Variants in RAB40B observed in about 807,000 individuals in gnomAD.
RAB40B encodes the protein RAB40B, member RAS oncogene family, also known as ras-related protein Rab-40B.
A neutral mutation model predicts 24.0 loss-of-function variants in RAB40B; 21 were observed. That is an observed-to-expected ratio of 0.88 (90% confidence interval 0.62 to 1.26). The LOEUF is 1.26. RAB40B is among the 50% of genes most tolerant of loss of function. The pLI is 0.00. For missense variants in RAB40B, 348 were observed against 390.5 expected (o/e 0.89, Z 0.92); for synonymous variants, 167 against 169.8 (o/e 0.98, Z 0.13).
At chr17:82,673,218 C>T (rs921991516) in intron 1 of RAB40B, among the ~76,000 whole-genome samples, 5 of 152,036 alleles carry the variant, frequency 3.3e-5, no homozygotes, top group Non-Finnish European at 7.4e-5. Context: ...AAAAAAATTG[C>T]CTCATGTTTA....
At chr17:82,660,543 TAC>T (rs375749687) in intron 3 of RAB40B, among the ~76,000 whole-genome samples, 54 of 147,576 alleles carry the variant, frequency 3.7e-4, no homozygotes, top group African/African-American at 1.2e-3. Flanking sequence ...TGCACATACC[TAC>T]ACACACGTGT....
intron 1 of RAB40B, among the ~76,000 whole-genome samples, chr17:82,673,523 T>C (rs1212994708): frequency 6.6e-6 from 1 of 152,192 alleles, no homozygotes; most frequent in Non-Finnish European, 1.5e-5. Flanking sequence ...ATCTGAGACT[T>C]TGCACGTCTG....
intron 1 of RAB40B, among the ~76,000 whole-genome samples, chr17:82,686,136 A>C (rs1598314800): frequency 1.7e-5 from 2 of 120,318 alleles, no homozygotes; most frequent in Admixed American, 9.7e-5. Context: ...ACAAAGTCTC[A>C]CTCTGTCATC....
At chr17:82,661,090 C>T in intron 2 of RAB40B, 43 bp from the exon 3 acceptor site, 1 of 1,607,646 alleles carries the variant, frequency 6.2e-7, no homozygotes, top group Non-Finnish European at 8.5e-7. Flanking sequence ...ACCAGTGCTT[C>T]TTCCTGACAA....
rs2248358 is a variant in RAB40B, at chr17:82,675,712, C to T, written c.143-11156G>A. Among the ~76,000 whole-genome samples the T allele has an allele frequency of 0.53, 80,286 of 151,770 alleles. 21,935 individuals carry two copies. The highest frequency in any genetic ancestry group is 0.67 in the Admixed American group (10,161 of 15,242). On this transcript the variant is annotated intron_variant, in intron 1 of 5. Coordinates refer to ENST00000571995, the MANE Select transcript of RAB40B (RefSeq NM_006822.3). The surrounding 1 kb of genome is among the most constrained non-coding windows in gnomAD (Gnocchi z 4.5). Reference sequence around the variant, plus strand: ...CCCTAGCTGGAGGGGCGAGGGAGCTCTTGGATGCTTCACTCATCCCATCCA... The same window carrying T: ...CCCTAGCTGGAGGGGCGAGGGAGCTTTTGGATGCTTCACTCATCCCATCCA...
chr17:82,674,735 G>A lies in RAB40B; in HGVS notation c.143-10179C>T, dbSNP rs908200928. 6.6e-5 allele frequency among the ~76,000 whole-genome samples: 10 copies of A among 152,156 alleles called. No homozygotes were observed. The Middle Eastern group carries it at 0.017, about 259-fold the overall frequency. ...GGGGAGGGGCCTCCTTGTCACCTGCGTCACTCTGGCATCGCAGGCAACGTT... is the reference window on the plus strand; with the variant it reads ...GGGGAGGGGCCTCCTTGTCACCTGCATCACTCTGGCATCGCAGGCAACGTT... On this transcript the variant is annotated intron_variant, in intron 1 of 5. Transcript: ENST00000571995.
intron 3 of RAB40B, among the ~76,000 whole-genome samples, chr17:82,660,228 A>G (rs2046147775): frequency 6.6e-6 from 1 of 152,124 alleles, no homozygotes; most frequent in Non-Finnish European, 1.5e-5. Flanking sequence ...CACACAGTGC[A>G]CACACGCAGT....
At chr17:82,659,524 C>G (rs2046133827) in intron 4 of RAB40B, 56 bp downstream of exon 4, 23 of 1,577,280 alleles carry the variant, frequency 1.5e-5, no homozygotes, top group Non-Finnish European at 1.8e-5. Context: ...TAATTCCTGG[C>G]CTGACGTCCT....
At chr17:82,670,345 A>C (rs867302533) in intron 1 of RAB40B, among the ~76,000 whole-genome samples, 3 of 151,428 alleles carry the variant, frequency 2.0e-5, no homozygotes, top group Admixed American at 6.6e-5. Flanking sequence ...CCAGCAAGCC[A>C]AGCTAATTTG....
intron 3 of RAB40B, 104 bp downstream of exon 3, chr17:82,660,883 C>G (rs2046163325): frequency 7.1e-7 from 1 of 1,414,934 alleles, no homozygotes; most frequent in Non-Finnish European, 9.7e-7. Flanking sequence ...GTAAGCTTAA[C>G]CGCCTTGTCC....
intron 1 of RAB40B, among the ~76,000 whole-genome samples, chr17:82,665,895 A>C (rs375759024): frequency 0.025 from 3,769 of 151,374 alleles, 77 homozygotes; most frequent in Non-Finnish European, 0.033. Context: ...AACAACAAAA[A>C]AAAAAAAAAA....
At chr17:82,698,370 G>GC in intron 1 of RAB40B, 85 bp downstream of exon 1, 1 of 288,114 alleles carries the variant, frequency 3.5e-6, no homozygotes, top group Non-Finnish European at 5.5e-6. Context: ...CCCGGACCCG[G>GC]ACCCCCACCC....
intron 1 of RAB40B, among the ~76,000 whole-genome samples, chr17:82,686,258 C>T (rs1001873510): frequency 6.6e-6 from 1 of 151,946 alleles, no homozygotes; most frequent in Non-Finnish European, 1.5e-5. Flanking sequence ...ATAACAGGCA[C>T]CTGCCACCAC....
chr17:82,662,302 C>T, intron 2 of RAB40B: 1 of 985,492 alleles, frequency 1.0e-6, no homozygotes, highest in Non-Finnish European at 1.2e-6. Flanking sequence ...AGGCTTTGCA[C>T]ACAGCGGGAG....
intron 1 of RAB40B, among the ~76,000 whole-genome samples, chr17:82,668,553 C>T (rs1598301430): frequency 6.6e-6 from 1 of 152,376 alleles, no homozygotes; most frequent in Admixed American, 6.5e-5. Flanking sequence ...CCCGAGGGGG[C>T]TGAGGTGGCA....
chr17:82,671,647 A>G (rs2046338413), intron 1 of RAB40B, among the ~76,000 whole-genome samples: 1 of 62,036 alleles, frequency 1.6e-5, no homozygotes, highest in Non-Finnish European at 3.4e-5. Flanking sequence ...TAACACACAC[A>G]CTCACACCCT....
chr17:82,691,323 A>C (rs1051194040), intron 1 of RAB40B, among the ~76,000 whole-genome samples: 1 of 152,192 alleles, frequency 6.6e-6, no homozygotes, highest in Non-Finnish European at 1.5e-5. Context: ...CATGCTGGGG[A>C]AAAGGGTGGG....
At chr17:82,685,539 C>G (rs1401907743) in intron 1 of RAB40B, among the ~76,000 whole-genome samples, 6 of 152,198 alleles carry the variant, frequency 3.9e-5, no homozygotes, top group Non-Finnish European at 7.3e-5. Flanking sequence ...CCCCAGGCAC[C>G]CGGCCTGCCT....
At position 82,698,626 on chromosome 17, in the gene RAB40B, C is replaced by T. The variant is rs2046638422; in HGVS notation, c.-30G>A. ...ACGGCCCGGCGCCCCCACCCATGCC[C>T]GGCCTGCGGGGCTGAGCGCAGAGGC... On this transcript the variant is annotated 5_prime_UTR_variant, in exon 1 of 6. Transcript: ENST00000571995. The T allele has an allele frequency of 1.4e-6, 2 of 1,397,270 alleles. No homozygotes were observed. Among genetic ancestry groups the T allele is most frequent in the African/African-American group, 1.5e-5 (1 of 67,100 alleles). 86.6% of individuals were successfully genotyped at this position (1,397,270 alleles called of 1,614,324 possible). A position where few individuals can be genotyped will look rare whatever the true frequency, so the allele number is the denominator to read the frequency against.
Sources: allele counts gnomAD v4.1 joint callset (sites outside exome capture counted in the v4.1 genomes callset), GRCh38; gene constraint gnomAD v4.1.1; non-coding constraint Gnocchi (gnomAD v3.1); transcripts MANE v1.5; gene names NCBI Gene and HGNC (gene_info 2026-07-23, HGNC 2026-07-21).